The following LRP1B variants were observed in gnomAD, a reference collection of about 807,000 sequenced individuals.
The protein encoded by LRP1B is low-density lipoprotein receptor-related protein 1B.
In LRP1B, 217 loss-of-function variants were observed where a neutral mutation model predicts 556.6. The observed-to-expected ratio is 0.39, with a 90% CI of 0.35 to 0.44. The LOEUF is 0.44. Ranked by LOEUF, LRP1B falls within the 20% of genes least tolerant of loss-of-function variation. The pLI is 1.00. For synonymous variants in LRP1B, 2,047 were observed against 1,865.8 expected (o/e 1.10, Z -2.50); for missense variants, 5,053 against 5,620.8 (o/e 0.90, Z 3.23).
At chr2:140,934,110 T>C (rs913748212) in intron 20 of LRP1B, among the ~76,000 whole-genome samples, 3 of 152,126 alleles carry the variant, frequency 2.0e-5, no homozygotes, top group African/African-American at 7.2e-5. Context: ...AAATAGATAT[T>C]ATACTTCTCT....
At chr2:140,561,456 CT>C (rs1680927593) in intron 43 of LRP1B, among the ~76,000 whole-genome samples, 1 of 152,086 alleles carries the variant, frequency 6.6e-6, no homozygotes, top group African/African-American at 2.4e-5. Context: ...TTCCTTGTGT[CT>C]TTGGGTATTC....
chr2:140,436,719 G>C (rs947736855), intron 66 of LRP1B, among the ~76,000 whole-genome samples: 8 of 150,692 alleles, frequency 5.3e-5, no homozygotes, highest in African/African-American at 2.0e-4. Flanking sequence ...AAAATGTAAA[G>C]TTCCCTTCTG....
chr2:140,841,888 A>G (rs1272473104), intron 29 of LRP1B, among the ~76,000 whole-genome samples: 1 of 150,696 alleles, frequency 6.6e-6, no homozygotes, highest in Non-Finnish European at 1.5e-5. Flanking sequence ...ATTAACATAT[A>G]AAGTAGGCCA....
At chr2:140,532,732 G>C (rs1690754936) in intron 47 of LRP1B, among the ~76,000 whole-genome samples, 1 of 151,732 alleles carries the variant, frequency 6.6e-6, no homozygotes, top group African/African-American at 2.4e-5. Context: ...TAATCTGTCT[G>C]TGACTATATC....
intron 60 of LRP1B, among the ~76,000 whole-genome samples, chr2:140,462,251 A>G (rs1687356169): frequency 6.6e-6 from 1 of 152,222 alleles, no homozygotes; most frequent in Non-Finnish European, 1.5e-5. Context: ...GGAATACTGC[A>G]AAATTATTCT....
intron 32 of LRP1B, among the ~76,000 whole-genome samples, chr2:140,810,203 AT>A (rs5834779): frequency 2.6e-5 from 4 of 151,744 alleles, no homozygotes; most frequent in East Asian, 1.9e-4. Flanking sequence ...GTTCAAAGAG[AT>A]TTTTTTTAAC....
chr2:141,579,284 C>G (rs1033384396), intron 2 of LRP1B, among the ~76,000 whole-genome samples: 9 of 152,162 alleles, frequency 5.9e-5, no homozygotes, highest in African/African-American at 1.4e-4. Flanking sequence ...CAGTTTCATT[C>G]TCTAGAGACA....
chr2:141,569,064 G>A (rs951719796), intron 2 of LRP1B, among the ~76,000 whole-genome samples: 9 of 150,852 alleles, frequency 6.0e-5, no homozygotes, highest in African/African-American at 9.7e-5. Flanking sequence ...CACCGTGCCC[G>A]GCCATCACAT....
Position 140,353,017 on chromosome 2 carries a change from T to G in LRP1B, c.11586A>C (p.Glu3862Asp), listed in dbSNP as rs750992977. The stretch of plus-strand genomic sequence containing the variant: ...GGTCACACACACATTTATATGATCC[T>G]TCCACATTTATACATTGATGGGAAC... The part of the protein sequence containing the change: ...GTCSHQCINV[E>D]GSYKCVCDQN... The change falls in exon 76 of 91, where the codon GAA (glutamate) becomes GAC (aspartate). Residue 3862 changes from glutamate to aspartate, a missense_variant. Glu to Asp is a conservative substitution (Grantham distance 45, BLOSUM62 2). This residue lies in a region of LRP1B where 599 missense variants were observed against 648.4 expected (regional missense o/e 0.92). Transcript: ENST00000389484. The G allele has an allele frequency of 6.2e-7, 1 of 1,612,762 alleles. No individual in the cohort carries two copies. The highest frequency in any genetic ancestry group is 1.7e-5 in the Admixed American group (1 of 59,946).
intron 43 of LRP1B, among the ~76,000 whole-genome samples, chr2:140,591,559 G>C (rs1258418618): frequency 6.6e-6 from 1 of 152,126 alleles, no homozygotes; most frequent in Non-Finnish European, 1.5e-5. Flanking sequence ...TACGACTTTG[G>C]AAAATGTTGG....
chr2:141,206,261 A>AT (rs766159330), intron 6 of LRP1B, among the ~76,000 whole-genome samples: 14 of 152,228 alleles, frequency 9.2e-5, no homozygotes, highest in Non-Finnish European at 1.8e-4. Context: ...TACTGTCCTC[A>AT]TAAGTACCTA....
intron 11 of LRP1B, among the ~76,000 whole-genome samples, chr2:141,040,419 A>T (rs1283088359): frequency 1.3e-5 from 2 of 152,194 alleles, no homozygotes; most frequent in East Asian, 3.9e-4. Context: ...CCAAAGTTAT[A>T]CAATGCTGAA....
At chr2:141,776,111 G>T (rs1036744962) in intron 2 of LRP1B, among the ~76,000 whole-genome samples, 2 of 152,084 alleles carry the variant, frequency 1.3e-5, no homozygotes, top group Non-Finnish European at 2.9e-5. Flanking sequence ...CTCCCAAAGT[G>T]CTGGGATTAC....
chr2:140,970,943 G>A (rs77090925), intron 18 of LRP1B, among the ~76,000 whole-genome samples: 16,681 of 151,530 alleles, frequency 0.11, 998 homozygotes, highest in Middle Eastern at 0.13. Context: ...GTTTTGCCTC[G>A]TTGCCCAGGC....
At chr2:141,917,310 T>C (rs1371624496) in intron 1 of LRP1B, among the ~76,000 whole-genome samples, 2 of 152,136 alleles carry the variant, frequency 1.3e-5, no homozygotes, top group Non-Finnish European at 2.9e-5. Flanking sequence ...GGAACGCTAT[T>C]AACAACTGAG....
At chr2:141,449,616 G>A (rs1358225591) in intron 3 of LRP1B, among the ~76,000 whole-genome samples, 3 of 12,802 alleles carry the variant, frequency 2.3e-4, no homozygotes, top group African/African-American at 5.1e-4. Context: ...TAAGATATAT[G>A]TGCAAGAAAA....
At chr2:141,818,391 C>T (rs908625186) in intron 1 of LRP1B, among the ~76,000 whole-genome samples, 4 of 152,096 alleles carry the variant, frequency 2.6e-5, no homozygotes, top group Non-Finnish European at 4.4e-5. Context: ...GCTCAGAATT[C>T]CATTTAAATT....
intron 84 of LRP1B, among the ~76,000 whole-genome samples, chr2:140,292,996 T>C (rs1167300768): frequency 6.6e-6 from 1 of 152,136 alleles, no homozygotes; most frequent in Non-Finnish European, 1.5e-5. Flanking sequence ...ACTCTGTAAG[T>C]AGGGACATTA....
intron 2 of LRP1B, among the ~76,000 whole-genome samples, chr2:141,634,942 C>A (rs1689054525): frequency 1.3e-5 from 2 of 151,506 alleles, no homozygotes; most frequent in African/African-American, 2.4e-5. Flanking sequence ...GTAAAATGAC[C>A]ATTTTATTAT....
Sources: allele counts gnomAD v4.1 joint callset (sites outside exome capture counted in the v4.1 genomes callset), GRCh38; gene constraint gnomAD v4.1.1; regional missense constraint gnomAD v4.1.1; transcripts MANE v1.5; gene names NCBI Gene and HGNC (gene_info 2026-07-23, HGNC 2026-07-21).